The following ZDHHC17 variants were observed in gnomAD, a reference collection of about 807,000 sequenced individuals.
ZDHHC17 encodes palmitoyltransferase ZDHHC17.
ZDHHC17 carries 40 observed loss-of-function variants against 90.3 expected under a neutral mutation model. That is an observed-to-expected ratio of 0.44 (90% CI 0.34 to 0.58). ZDHHC17 has a LOEUF of 0.58. ZDHHC17 is among the 20% of genes least tolerant of loss of function. The probability of loss-of-function intolerance (pLI) is 0.01; values close to 1 mark genes in which losing one functional copy is unlikely to be tolerated. For synonymous variants in ZDHHC17, 235 were observed against 252.4 expected (o/e 0.93, Z 0.65); for missense variants, 614 against 780.8 (o/e 0.79, Z 2.55).
At position 76,853,031 on chromosome 12, in the gene ZDHHC17, A is replaced by ATGG. The variant is rs975109459; in HGVS notation, c.*2051_*2053dup. 2 of 152,290 alleles carry ATGG rather than the reference A, an allele frequency of 1.3e-5. No individual in the cohort carries two copies. Among genetic ancestry groups the ATGG allele is most frequent in the African/African-American group, 4.8e-5 (2 of 41,446 alleles). 9.4% of individuals were successfully genotyped at this position (152,290 alleles called of 1,614,324 possible). A position where few individuals can be genotyped will look rare whatever the true frequency, so the allele number is the denominator to read the frequency against. On this transcript the variant is annotated 3_prime_UTR_variant, in exon 17 of 17. Transcript: ENST00000426126. ...ACATTTTTATCAACAGTTAAAGACT[A>ATGG]TGGTGGTTTTTTCAGAGTTTGGCTA...
intron 1 of ZDHHC17, among the ~76,000 whole-genome samples, chr12:76,780,328 C>T (rs934785166): frequency 6.6e-5 from 10 of 152,070 alleles, no homozygotes; most frequent in Non-Finnish European, 1.5e-4. Context: ...TAGTTTCCAG[C>T]ATAAAAGATA....
rs76544585 is a variant in ZDHHC17 at position 76,789,664 on chromosome 12, A to T, written c.94-7770A>T. Among the ~76,000 whole-genome samples the T allele has an allele frequency of 1.2e-4, 18 of 152,312 alleles. No individual in the cohort carries two copies. In the East Asian group the frequency reaches 3.5e-3, roughly 29 times the overall value. ...ATAGACTATATAAAAATACATAAAC[A>T]TTTGGGGAAATAAAGATTGTAAAGG... On this transcript the variant is annotated intron_variant, in intron 1 of 16. Coordinates refer to ENST00000426126, the MANE Select transcript of ZDHHC17 (RefSeq NM_015336.4).
chr12:76,764,893 AG>A (rs1316563962), intron 1 of ZDHHC17: 10 of 455,566 alleles, frequency 2.2e-5, no homozygotes, highest in Middle Eastern at 3.3e-4. Context: ...TTAAGAAGAG[AG>A]GTAAAAACTT....
chr12:76,789,775 T>C (rs1952738117), intron 1 of ZDHHC17, among the ~76,000 whole-genome samples: 1 of 152,038 alleles, frequency 6.6e-6, no homozygotes, highest in South Asian at 2.1e-4. Context: ...AGTCTAGTAA[T>C]GAGAAAAACG....
chr12:76,770,249 TGTA>T lies in ZDHHC17; in HGVS notation c.93+5924_93+5926del, dbSNP rs1952477614. 3.3e-5 allele frequency among the ~76,000 whole-genome samples: 5 copies of T among 152,292 alleles called. No homozygotes were observed. The South Asian group carries it at 1.0e-3, about 32-fold the overall frequency. ...GTAGTACCTCAAATTGATAAACAAT[TGTA>T]GTATGCATATATTAGAGTGGCTAAA... On this transcript the variant is annotated intron_variant, in intron 1 of 16. Transcript: ENST00000426126.
chr12:76,823,312 A>G lies in ZDHHC17; in HGVS notation c.897+781A>G, dbSNP rs557779161. On this transcript the variant is annotated intron_variant, in intron 8 of 16. Transcript: ENST00000426126. ...TGTGATATGTTGTATACCTTTTTTCAGAGAGCTTATATTCTTGACCTTTCT... is the reference window on the plus strand; with the variant it reads ...TGTGATATGTTGTATACCTTTTTTCGGAGAGCTTATATTCTTGACCTTTCT... Among the ~76,000 whole-genome samples the G allele has an allele frequency of 3.9e-5, 6 of 152,284 alleles. No individual in the cohort carries two copies. The South Asian group carries it at 1.2e-3, about 32-fold the overall frequency.
intron 8 of ZDHHC17, among the ~76,000 whole-genome samples, chr12:76,825,370 C>T (rs1392792109): frequency 6.6e-6 from 1 of 152,026 alleles, no homozygotes. Context: ...TTCACATTTA[C>T]TATATAGTTG....
chr12:76,848,512 A>G lies in ZDHHC17; in HGVS notation c.1665+122A>G, dbSNP rs551347932. 33 of 1,178,554 alleles carry G rather than the reference A, an allele frequency of 2.8e-5. No individual in the cohort carries two copies. The African/African-American group carries it at 4.6e-4, about 17-fold the overall frequency. 73.0% of individuals were successfully genotyped at this position (1,178,554 alleles called of 1,614,324 possible). On this transcript the variant is annotated intron_variant, in intron 15 of 16. Transcript: ENST00000426126. ...CTTCAAATATTCATTTTATTTTTCA[A>G]TTTAGTTTTCCTTTCTACCTCACTC...
At chr12:76,783,405 C>T (rs907335418) in intron 1 of ZDHHC17, among the ~76,000 whole-genome samples, 1 of 152,082 alleles carries the variant, frequency 6.6e-6, no homozygotes, top group African/African-American at 2.4e-5. Flanking sequence ...GAGAGGGGTA[C>T]GTGAAGGAGG....
At chr12:76,810,194 T>A (rs1386634141) in intron 5 of ZDHHC17, among the ~76,000 whole-genome samples, 1 of 151,216 alleles carries the variant, frequency 6.6e-6, no homozygotes, top group Non-Finnish European at 1.5e-5. Flanking sequence ...TTTGAACTTA[T>A]TTATTGGTTA....
intron 9 of ZDHHC17, 128 bp from the exon 10 acceptor site, chr12:76,828,262 A>G (rs1953253476): frequency 1.4e-6 from 1 of 722,802 alleles, no homozygotes; most frequent in African/African-American, 1.8e-5. Flanking sequence ...AAAATTGAGC[A>G]TCCTGAACTC....
At chr12:76,825,961 G>T (rs1216608041) in intron 8 of ZDHHC17, among the ~76,000 whole-genome samples, 1 of 152,014 alleles carries the variant, frequency 6.6e-6, no homozygotes, top group Non-Finnish European at 1.5e-5. Flanking sequence ...ATACAGTACA[G>T]GTGCGTGCTA....
intron 7 of ZDHHC17, among the ~76,000 whole-genome samples, chr12:76,818,925 T>C (rs1294625663): frequency 6.6e-6 from 1 of 152,186 alleles, no homozygotes; most frequent in Non-Finnish European, 1.5e-5. Flanking sequence ...ATTGAAGAGT[T>C]AAGAAAATGG....
At chr12:76,773,333 A>G (rs1952518471) in intron 1 of ZDHHC17, among the ~76,000 whole-genome samples, 2 of 152,138 alleles carry the variant, frequency 1.3e-5, no homozygotes, top group Non-Finnish European at 1.5e-5. Context: ...AGTTGGAATC[A>G]TGCAGTATGT....
intron 1 of ZDHHC17, among the ~76,000 whole-genome samples, chr12:76,792,654 TAAAAC>T (rs1195483721): frequency 2.0e-5 from 3 of 151,968 alleles, no homozygotes; most frequent in Admixed American, 6.6e-5. Flanking sequence ...CCAGGACTAT[TAAAAC>T]AAACAAAAAA....
At chr12:76,809,472 ATTAT>A (rs1565784174) in intron 4 of ZDHHC17, among the ~76,000 whole-genome samples, 2 of 152,084 alleles carry the variant, frequency 1.3e-5, no homozygotes, top group African/African-American at 4.8e-5. Flanking sequence ...GAATATAGTA[ATTAT>A]TTACTATATA....
chr12:76,769,544 A>G (rs1952469562), intron 1 of ZDHHC17, among the ~76,000 whole-genome samples: 1 of 151,936 alleles, frequency 6.6e-6, no homozygotes, highest in East Asian at 1.9e-4. Context: ...GTTACCTGCA[A>G]CTCTTTTCCT....
At chr12:76,770,255 A>G (rs1469559746) in intron 1 of ZDHHC17, among the ~76,000 whole-genome samples, 1 of 152,222 alleles carries the variant, frequency 6.6e-6, no homozygotes, top group Non-Finnish European at 1.5e-5. Context: ...CAATTGTAGT[A>G]TGCATATATT....
intron 2 of ZDHHC17, 82 bp downstream of exon 2, chr12:76,797,619 G>A: frequency 9.1e-7 from 1 of 1,103,954 alleles, no homozygotes; most frequent in Non-Finnish European, 1.3e-6. Context: ...ATATTACTTT[G>A]GGAAAAACAT....
Sources: gnomAD v4.1 joint callset for allele counts (sites outside exome capture counted in the v4.1 genomes callset) on GRCh38, gnomAD v4.1.1 for gene constraint, MANE v1.5 for transcripts, NCBI Gene and HGNC (gene_info 2026-07-23, HGNC 2026-07-21) for gene names.